RHBDD2: variants seen among roughly 807,000 people sequenced by gnomAD.
RHBDD2 encodes the protein rhomboid domain-containing protein 2.
Under a neutral mutation model 21.7 loss-of-function variants are expected in RHBDD2, and 13 were observed. That is an observed-to-expected ratio of 0.60 (90% CI 0.39 to 0.95). The LOEUF (loss-of-function observed/expected upper bound fraction) is 0.95, where lower values mean the gene tolerates loss of function less well. Among genes scored for constraint, RHBDD2 ranks in the 40% least tolerant of loss-of-function variants. The probability of loss-of-function intolerance (pLI) is 0.00; values close to 1 mark genes in which losing one functional copy is unlikely to be tolerated. For missense variants in RHBDD2, 473 were observed against 478.9 expected, an observed-to-expected ratio of 0.99 and a Z score of 0.11; for synonymous variants, 225 against 220.0, an observed-to-expected ratio of 1.02 and a Z score of -0.20.
At position 75,879,165 on chromosome 7, in the gene RHBDD2, C is replaced by G. The variant is rs1585052259; in HGVS notation, c.83C>G (p.Ser28Trp). 6.6e-7 allele frequency: 1 copy of G among 1,506,846 alleles called. No homozygotes were observed. Among genetic ancestry groups the G allele is most frequent in the Non-Finnish European group, 8.9e-7 (1 of 1,125,300 alleles). The allele number at this position is 1,506,846 out of a possible 1,614,324, so 93.3% of individuals were successfully genotyped here. A position where few individuals can be genotyped will look rare whatever the true frequency, so the allele number is the denominator to read the frequency against. ...GCCACCTTCTTCACTGCGCTGCTCTCGCTGCTGGTTTCCGGGCCTCGCCTG... is the reference window on the plus strand; with the variant it reads ...GCCACCTTCTTCACTGCGCTGCTCTGGCTGCTGGTTTCCGGGCCTCGCCTG... The part of the protein sequence containing the change: ...PSATFFTALL[S>W]LLVSGPRLFL... The change falls in exon 1 of 4, where the codon TCG becomes TGG. Residue 28 changes from serine (S) to tryptophan (W), a missense_variant. Physicochemically the swap from Ser to Trp is radical, Grantham distance 177. Transcript: ENST00000006777.
Position 75,881,541 on chromosome 7 carries a change from G to C in RHBDD2, c.179-288G>C, listed in dbSNP as rs976528913. On this transcript the variant is annotated intron_variant, in intron 1 of 3. Coordinates refer to ENST00000006777, the MANE Select transcript of RHBDD2 (RefSeq NM_001040456.3). ...TTATAAAGCACTTTACAAATTCAGAGACTGCCCTCTACCGAAAAGTATTAT... is the reference window on the plus strand; with the variant it reads ...TTATAAAGCACTTTACAAATTCAGACACTGCCCTCTACCGAAAAGTATTAT... 9.2e-5 allele frequency: 126 copies of C among 1,365,802 alleles called. No homozygotes were observed. The African/African-American group carries it at 1.7e-3, about 18-fold the overall frequency. The allele number at this position is 1,365,802 out of a possible 1,614,324, so 84.6% of individuals were successfully genotyped here. A position where few individuals can be genotyped will look rare whatever the true frequency, so the allele number is the denominator to read the frequency against.
chr7:75,888,471 T>G lies in RHBDD2; in HGVS notation c.*122T>G. 3 of 778,062 alleles carry G rather than the reference T, an allele frequency of 3.9e-6. No homozygotes were observed. The highest frequency in any genetic ancestry group is 1.7e-5 in the South Asian group (1 of 60,570). 48.2% of individuals were successfully genotyped at this position (778,062 alleles called of 1,614,324 possible). On this transcript the variant is annotated 3_prime_UTR_variant, in exon 4 of 4. Coordinates refer to ENST00000006777, the MANE Select transcript of RHBDD2 (RefSeq NM_001040456.3). ...GCTCTGTGTTGGGTACTTTGATCAATGCCCCTGTTTCAGTCTCATCTGTAC... is the reference window on the plus strand; with the variant it reads ...GCTCTGTGTTGGGTACTTTGATCAAGGCCCCTGTTTCAGTCTCATCTGTAC...
At chr7:75,882,460 C>T (rs1264481326) in intron 2 of RHBDD2, among the ~76,000 whole-genome samples, 6 of 152,104 alleles carry the variant, frequency 3.9e-5, no homozygotes, top group Admixed American at 6.6e-5. Context: ...GCTGGGACTA[C>T]AGGTGTGCAC....
rs782500719 is a variant in RHBDD2 at position 75,888,146 on chromosome 7, C to T, written c.892C>T (p.Gln298Ter). 4 of 1,613,842 alleles carry T rather than the reference C, an allele frequency of 2.5e-6. No homozygotes were observed. The East Asian group carries it at 8.9e-5, about 36-fold the overall frequency. ...GCACATGCCCACCTTGCCTCCGTAC[C>T]AGCCTGCCTCCGGCCTGTGCTATGT... ...PGHMPTLPPY[Q>*]PASGLCYVQN... Residue 298 changes from glutamine (Q) to a stop codon, truncating the protein, a stop_gained, in exon 4 of 4, where the codon CAG becomes TAG. Coordinates refer to ENST00000006777, the MANE Select transcript of RHBDD2 (RefSeq NM_001040456.3). LOFTEE classifies it low-confidence loss of function (END_TRUNC).
chr7:75,883,775 C>T lies in RHBDD2; in HGVS notation c.664C>T (p.Leu222=). Residue 222 remains leucine, a synonymous_variant, in exon 3 of 4, where the codon CTG becomes TTG. Coordinates refer to ENST00000006777, the MANE Select transcript of RHBDD2 (RefSeq NM_001040456.3). ...LKLDQTFPFS[L]MRRISVFKYV... ...GCTCGATCAGACCTTCCCCTTCAGC[C>T]TGATGAGGAGGATATCCGTGTTCAA... is the stretch of plus-strand genomic sequence containing the variant. The T allele has an allele frequency of 6.2e-7, 1 of 1,613,874 alleles. No homozygotes were observed. Among genetic ancestry groups the T allele is most frequent in the Non-Finnish European group, 8.5e-7 (1 of 1,179,840 alleles).
At chr7:75,886,877 C>G (rs1805708335) in intron 3 of RHBDD2, among the ~76,000 whole-genome samples, 1 of 151,980 alleles carries the variant, frequency 6.6e-6, no homozygotes, top group Admixed American at 6.6e-5. Flanking sequence ...ACTGCCACAC[C>G]CAGTGCCAGG....
chr7:75,881,573 C>T, intron 1 of RHBDD2: 1 of 1,351,978 alleles, frequency 7.4e-7, no homozygotes, highest in African/African-American at 1.5e-5. Flanking sequence ...TTATTTTTTT[C>T]CCTCTGGAAG....
chr7:75,888,562 G>C lies in RHBDD2; in HGVS notation c.*213G>C. ...ACAGATGCAGAAAGCGAGACGTTCT[G>C]CCATCAGATAAAGTCACGTGGCTCT... On this transcript the variant is annotated 3_prime_UTR_variant, in exon 4 of 4. Transcript: ENST00000006777. 3.8e-6 allele frequency: 2 copies of C among 533,074 alleles called. No homozygotes were observed. The highest frequency in any genetic ancestry group is 6.7e-6 in the Non-Finnish European group (2 of 300,384). 33.0% of individuals were successfully genotyped at this position (533,074 alleles called of 1,614,324 possible). A position where few individuals can be genotyped will look rare whatever the true frequency, so the allele number is the denominator to read the frequency against.
rs782061395 is a variant in RHBDD2 at position 75,883,857 on chromosome 7, CAG to C, written c.737+11_737+12del. The C allele has an allele frequency of 3.1e-6, 5 of 1,602,902 alleles. No individual in the cohort carries two copies. In the Admixed American group the frequency reaches 8.8e-5, roughly 28 times the overall value. On this transcript the variant is annotated intron_variant, in intron 3 of 3. Coordinates refer to ENST00000006777, the MANE Select transcript of RHBDD2 (RefSeq NM_001040456.3). Reference sequence around the variant, plus strand: ...GCAGCCCAGAGCCGGAAGTAAGTGACAGAACTCTTAAGTGCTGTTAAATCTTT... The same window carrying C: ...GCAGCCCAGAGCCGGAAGTAAGTGACAACTCTTAAGTGCTGTTAAATCTTT...
chr7:75,879,219 C>T lies in RHBDD2; in HGVS notation c.137C>T (p.Ser46Leu). ...LFLLQQPLAP[S>L]GLTLKSEALR... ...CTGCTGCAGCAGCCCCTGGCGCCCT[C>T]GGGCCTCACGCTGAAGTCCGAGGCC... Residue 46 changes from serine to leucine, a missense_variant, in exon 1 of 4, where the codon TCG becomes TTG. Coordinates refer to ENST00000006777, the MANE Select transcript of RHBDD2 (RefSeq NM_001040456.3). The T allele has an allele frequency of 6.6e-7, 1 of 1,521,870 alleles. No homozygotes were observed. The highest frequency in any genetic ancestry group is 8.8e-7 in the Non-Finnish European group (1 of 1,133,338). 94.3% of individuals were successfully genotyped at this position (1,521,870 alleles called of 1,614,324 possible). A position where few individuals can be genotyped will look rare whatever the true frequency, so the allele number is the denominator to read the frequency against.
At position 75,882,284 on chromosome 7, in the gene RHBDD2, A is replaced by C. The variant is rs782427686; in HGVS notation, c.586+48A>C. ...ATAGAACAACGCATGTCAAAGGGTGAACCAGGCTGGAGGGTCTGGGGTGTC... is the reference window on the plus strand; with the variant it reads ...ATAGAACAACGCATGTCAAAGGGTGCACCAGGCTGGAGGGTCTGGGGTGTC... On this transcript the variant is annotated intron_variant, in intron 2 of 3. Transcript: ENST00000006777. 5 of 1,519,272 alleles carry C rather than the reference A, an allele frequency of 3.3e-6. No individual in the cohort carries two copies. In the Admixed American group the frequency reaches 6.1e-5, roughly 19 times the overall value. The allele number at this position is 1,519,272 out of a possible 1,614,324, so 94.1% of individuals were successfully genotyped here. A position where few individuals can be genotyped will look rare whatever the true frequency, so the allele number is the denominator to read the frequency against.
At chr7:75,880,508 A>G (rs1421249115) in intron 1 of RHBDD2, among the ~76,000 whole-genome samples, 1 of 152,130 alleles carries the variant, frequency 6.6e-6, no homozygotes, top group Admixed American at 6.6e-5. Flanking sequence ...GGGACCTTTG[A>G]AGTCCTCAAT....
chr7:75,879,253 C>T lies in RHBDD2; in HGVS notation c.171C>T (p.Asn57=), dbSNP rs1554542010. 6 of 1,511,200 alleles carry T rather than the reference C, an allele frequency of 4.0e-6. No individual in the cohort carries two copies. Among genetic ancestry groups the T allele is most frequent in the Non-Finnish European group, 5.3e-6 (6 of 1,129,138 alleles). 93.6% of individuals were successfully genotyped at this position (1,511,200 alleles called of 1,614,324 possible). A position where few individuals can be genotyped will look rare whatever the true frequency, so the allele number is the denominator to read the frequency against. The change falls in exon 1 of 4, where the codon AAC becomes AAT. Residue 57 remains asparagine, a synonymous_variant. Coordinates refer to ENST00000006777, the MANE Select transcript of RHBDD2 (RefSeq NM_001040456.3). ...CGCTGAAGTCCGAGGCCCTTCGCAA[C>T]TGGCAAGGTGAGCAGGGGCGGGCCG... ...GLTLKSEALR[N]WQVYRLVTYI...
Position 75,879,279 on chromosome 7 carries a change from G to A in RHBDD2, c.178+19G>A. On this transcript the variant is annotated intron_variant, in intron 1 of 3. Transcript: ENST00000006777. Reference sequence around the variant, plus strand: ...TGGCAAGGTGAGCAGGGGCGGGCCGGGATCGCGGGGCGAGTCCTTGTCCTC... The same window carrying A: ...TGGCAAGGTGAGCAGGGGCGGGCCGAGATCGCGGGGCGAGTCCTTGTCCTC... 6.9e-7 allele frequency: 1 copy of A among 1,458,282 alleles called. No individual in the cohort carries two copies. Among genetic ancestry groups the A allele is most frequent in the Non-Finnish European group, 9.1e-7 (1 of 1,104,298 alleles). The allele number at this position is 1,458,282 out of a possible 1,614,324, so 90.3% of individuals were successfully genotyped here.
intron 1 of RHBDD2, chr7:75,881,446 GA>G: frequency 7.7e-7 from 1 of 1,297,692 alleles, no homozygotes; most frequent in Non-Finnish European, 1.0e-6. Flanking sequence ...AATCCACCCC[GA>G]AGCTGTTACA....
Position 75,881,905 on chromosome 7 carries a change from C to T in RHBDD2, c.255C>T (p.Arg85=), listed in dbSNP as rs782428802. The T allele has an allele frequency of 6.2e-7, 1 of 1,614,106 alleles. No individual in the cohort carries two copies. Among genetic ancestry groups the T allele is most frequent in the Non-Finnish European group, 8.5e-7 (1 of 1,180,040 alleles). Residue 85 remains arginine, a synonymous_variant, in exon 2 of 4, where the codon CGC becomes CGT. Coordinates refer to ENST00000006777, the MANE Select transcript of RHBDD2 (RefSeq NM_001040456.3). ...TCTGCGGCGCTATCATCATCTGGCGCTTTGCTGGCAATTTCGAGAGAACCG... is the reference window on the plus strand; with the variant it reads ...TCTGCGGCGCTATCATCATCTGGCGTTTTGCTGGCAATTTCGAGAGAACCG... The part of the protein sequence containing the change: ...SLLCGAIIIW[R]FAGNFERTVG...
In RHBDD2 at chr7:75,881,968, C is replaced by T. The variant is rs558475589; in HGVS notation, c.318C>T (p.Phe106=). The T allele has an allele frequency of 4.0e-5, 64 of 1,614,274 alleles. 2 individuals are homozygous for T. The Admixed American group carries it at 5.8e-4, about 15-fold the overall frequency. Residue 106 remains phenylalanine (F), a synonymous_variant, in exon 2 of 4, where the codon TTC becomes TTT. Transcript: ENST00000006777. ...TVRHCFFTVI[F]AIFSAIIFLS... ...GCCACTGCTTCTTCACCGTGATCTT[C>T]GCCATCTTCTCCGCTATCATCTTCC...
intron 3 of RHBDD2, among the ~76,000 whole-genome samples, chr7:75,885,951 C>G (rs1337817153): frequency 6.6e-6 from 1 of 152,146 alleles, no homozygotes; most frequent in Non-Finnish European, 1.5e-5. Flanking sequence ...ACTGCAACCT[C>G]CACCTCCTGG....
At position 75,888,447 on chromosome 7, in the gene RHBDD2, C is replaced by T. The variant is rs543434125; in HGVS notation, c.*98C>T. The T allele has an allele frequency of 2.1e-6, 2 of 970,188 alleles. No homozygotes were observed. Among genetic ancestry groups the T allele is most frequent in the Non-Finnish European group, 1.6e-6 (1 of 635,402 alleles). 60.1% of individuals were successfully genotyped at this position (970,188 alleles called of 1,614,324 possible). A position where few individuals can be genotyped will look rare whatever the true frequency, so the allele number is the denominator to read the frequency against. ...TTATTGAACACCTCTATGTGCCAGG[C>T]TCTGTGTTGGGTACTTTGATCAATG... On this transcript the variant is annotated 3_prime_UTR_variant, in exon 4 of 4. Transcript: ENST00000006777.
Sources: gnomAD v4.1 joint callset for allele counts (sites outside exome capture counted in the v4.1 genomes callset) on GRCh38, gnomAD v4.1.1 for gene constraint, MANE v1.5 for transcripts, NCBI Gene and HGNC (gene_info 2026-07-23, HGNC 2026-07-21) for gene names.